Variants in GRIK5 observed in about 807,000 individuals in gnomAD.
The protein encoded by GRIK5 is glutamate ionotropic receptor kainate type subunit 5, also known as glutamate receptor ionotropic, kainate 5.
Under a neutral mutation model 97.4 loss-of-function variants are expected in GRIK5, and 43 were observed. The observed-to-expected ratio is 0.44, with a 90% CI of 0.35 to 0.57. The LOEUF (loss-of-function observed/expected upper bound fraction) is 0.57, where lower values mean the gene tolerates loss of function less well. GRIK5 is among the 20% of genes least tolerant of loss of function. The pLI is 0.01. For synonymous variants in GRIK5, 580 were observed against 583.5 expected, an observed-to-expected ratio of 0.99 and a Z score of 0.09; for missense variants, 1,015 against 1,382.0, an observed-to-expected ratio of 0.73 and a Z score of 4.21.
rs979658213 is a variant in GRIK5, at chr19:42,005,854, C to T, written c.2132G>A (p.Arg711His). 1.2e-6 allele frequency: 2 copies of T among 1,611,644 alleles called. No homozygotes were observed. Among genetic ancestry groups the T allele is most frequent in the Non-Finnish European group, 1.7e-6 (2 of 1,177,866 alleles). Residue 711 changes from arginine to histidine, a missense_variant, in exon 17 of 20, where the codon CGC becomes CAC. Arg to His is a conservative substitution (Grantham distance 29). This residue lies in a region of GRIK5 where 229 missense variants were observed against 341.0 expected (regional missense o/e 0.67). Transcript: ENST00000593562. The stretch of plus-strand genomic sequence containing the variant: ...GAAGGCGTAGCGGGAGTTGAGGACG[C>T]GGGCAATGCCCTCTTCTGTGCTCTT... ...FVKSTEEGIA[R>H]VLNSRYAFLL... is the part of the protein sequence containing the mutation.
chr19:42,011,100 C>A (rs2075555810), intron 15 of GRIK5, among the ~76,000 whole-genome samples: 1 of 151,050 alleles, frequency 6.6e-6, no homozygotes, highest in Non-Finnish European at 1.5e-5. Context: ...AGCACCACAC[C>A]CAGCATTTAC....
intron 11 of GRIK5, among the ~76,000 whole-genome samples, chr19:42,043,677 G>A (rs2076008530): frequency 6.6e-6 from 1 of 151,972 alleles, no homozygotes; most frequent in African/African-American, 2.4e-5. Context: ...CTCCCAAAGT[G>A]CAGGTGTGAG....
In GRIK5 at chr19:42,065,649, C is replaced by G; in HGVS notation, c.79+43G>C. The G allele has an allele frequency of 6.7e-7, 1 of 1,486,390 alleles. No individual in the cohort carries two copies. Among genetic ancestry groups the G allele is most frequent in the South Asian group, 1.2e-5 (1 of 80,112 alleles). The allele number at this position is 1,486,390 out of a possible 1,614,324, so 92.1% of individuals were successfully genotyped here. A position where few individuals can be genotyped will look rare whatever the true frequency, so the allele number is the denominator to read the frequency against. On this transcript the variant is annotated intron_variant, in intron 2 of 19. Coordinates refer to ENST00000593562, the MANE Select transcript of GRIK5 (RefSeq NM_002088.5). This position sits in a 1 kb window ranked among gnomAD's most constrained non-coding sequence, Gnocchi z 5.8. ...GCATGCCTGGGTCCCCAGAGGAGCC[C>G]CAGGGCCTGAGGATGCAGGGGCAGG...
chr19:42,063,864 T>C (rs1186228843), intron 3 of GRIK5, among the ~76,000 whole-genome samples: 3 of 152,204 alleles, frequency 2.0e-5, no homozygotes, highest in Non-Finnish European at 4.4e-5. Flanking sequence ...AAGTTCTCTT[T>C]TTTCCTTAAA....
chr19:42,020,622 AG>A (rs2075684799), intron 15 of GRIK5, among the ~76,000 whole-genome samples: 1 of 152,200 alleles, frequency 6.6e-6, no homozygotes, highest in African/African-American at 2.4e-5. Flanking sequence ...TGCTGATAAA[AG>A]GGGTTGCAGT....
rs951208160 is a variant in GRIK5 at position 42,069,853 on chromosome 19, G to A, written c.-663C>T. Among the ~76,000 whole-genome samples, 39 of 152,156 alleles carry A rather than the reference G, an allele frequency of 2.6e-4. No homozygotes were observed. The highest frequency in any genetic ancestry group is 4.9e-4 in the Non-Finnish European group (33 of 68,004). On this transcript the variant is annotated 5_prime_UTR_variant, in exon 1 of 20. Coordinates refer to ENST00000593562, the MANE Select transcript of GRIK5 (RefSeq NM_002088.5). ...ACGGGAAAAGCATGCTGGGGGCGGG[G>A]AGAGCCCGGGAGTGGAGAGCTGGGG...
intron 12 of GRIK5, among the ~76,000 whole-genome samples, chr19:42,024,563 G>A (rs2075745648): frequency 1.3e-5 from 2 of 152,106 alleles, no homozygotes. Flanking sequence ...CAGGTGCTTG[G>A]TAATAGGCTG....
chr19:42,026,847 C>G (rs1181159437), intron 12 of GRIK5, among the ~76,000 whole-genome samples: 1 of 152,146 alleles, frequency 6.6e-6, no homozygotes, highest in African/African-American at 2.4e-5. Context: ...GGATTACAGA[C>G]ATGAGCCACT....
chr19:42,045,174 G>C (rs1271588194), intron 11 of GRIK5, among the ~76,000 whole-genome samples: 1 of 152,196 alleles, frequency 6.6e-6, no homozygotes, highest in Non-Finnish European at 1.5e-5. Flanking sequence ...ACAATATTGT[G>C]CTGCTTCTTC....
At chr19:42,040,165 C>T (rs1309261132) in intron 12 of GRIK5, among the ~76,000 whole-genome samples, 1 of 152,196 alleles carries the variant, frequency 6.6e-6, no homozygotes, top group Non-Finnish European at 1.5e-5. Context: ...AGCCACACAA[C>T]CAGTGCACAG....
In GRIK5 at chr19:42,021,581, GA is replaced by G. The variant is rs34716717; in HGVS notation, c.1698-108del. On this transcript the variant is annotated intron_variant, in intron 14 of 19. Transcript: ENST00000593562. This position sits in a 1 kb window ranked among gnomAD's most constrained non-coding sequence, Gnocchi z 4.2. ...TGATCAGAAGAAAGGGGGAGAGATG[GA>G]AAAAGGAGCAAGATGGACAGAAGCA... 8 of 884,626 alleles carry G rather than the reference GA, an allele frequency of 9.0e-6. No individual in the cohort carries two copies. Among genetic ancestry groups the G allele is most frequent in the South Asian group, 1.8e-5 (1 of 54,250 alleles). 54.8% of individuals were successfully genotyped at this position (884,626 alleles called of 1,614,324 possible). A position where few individuals can be genotyped will look rare whatever the true frequency, so the allele number is the denominator to read the frequency against.
At chr19:42,028,943 C>T (rs1384677228) in intron 12 of GRIK5, among the ~76,000 whole-genome samples, 1 of 152,236 alleles carries the variant, frequency 6.6e-6, no homozygotes, top group African/African-American at 2.4e-5. Context: ...CCAGAAAAAG[C>T]TGGCTAGGTC....
At chr19:42,001,583 A>G (rs2075423812) in intron 19 of GRIK5, among the ~76,000 whole-genome samples, 1 of 152,170 alleles carries the variant, frequency 6.6e-6, no homozygotes, top group Admixed American at 6.5e-5. Flanking sequence ...CCACCTCCAG[A>G]AACTAAAATC....
At chr19:42,011,453 T>A (rs1288871162) in intron 15 of GRIK5, among the ~76,000 whole-genome samples, 1 of 149,324 alleles carries the variant, frequency 6.7e-6, no homozygotes, top group Non-Finnish European at 1.5e-5. Flanking sequence ...CTCGGGAGGC[T>A]GAGGCAGAAG....
intron 12 of GRIK5, among the ~76,000 whole-genome samples, chr19:42,040,216 C>T (rs1169340129): frequency 3.3e-5 from 5 of 152,194 alleles, no homozygotes; most frequent in Admixed American, 3.3e-4. Context: ...ACACTCTCAG[C>T]TGCCACACTT....
intron 15 of GRIK5, among the ~76,000 whole-genome samples, chr19:42,011,426 G>A (rs1011094404): frequency 3.3e-5 from 5 of 151,652 alleles, no homozygotes; most frequent in Admixed American, 2.0e-4. Flanking sequence ...GGTAGCGGGC[G>A]CCTGTGGTCC....
chr19:42,019,254 C>A (rs1268040346), intron 15 of GRIK5, among the ~76,000 whole-genome samples: 1 of 152,130 alleles, frequency 6.6e-6, no homozygotes, highest in African/African-American at 2.4e-5. Flanking sequence ...ACCTCACACA[C>A]CTGGCCCTCT....
intron 17 of GRIK5, among the ~76,000 whole-genome samples, chr19:42,005,041 T>C (rs1456357715): frequency 9.2e-5 from 14 of 152,086 alleles, no homozygotes; most frequent in Admixed American, 9.2e-4. Flanking sequence ...TGCTATGCAG[T>C]AATAGATAAC....
chr19:42,054,845 C>T (rs989613063), intron 8 of GRIK5, among the ~76,000 whole-genome samples: 1 of 152,162 alleles, frequency 6.6e-6, no homozygotes, highest in South Asian at 2.1e-4. Flanking sequence ...GTCTGGGGCA[C>T]GTTTACATGA....
Sources: gnomAD v4.1 joint callset for allele counts (sites outside exome capture counted in the v4.1 genomes callset) on GRCh38, gnomAD v4.1.1 for gene constraint, gnomAD v4.1.1 regional missense constraint, Gnocchi (gnomAD v3.1) non-coding constraint, MANE v1.5 for transcripts, NCBI Gene and HGNC (gene_info 2026-07-23, HGNC 2026-07-21) for gene names.